KIAA0825: variants seen among roughly 807,000 people sequenced by gnomAD.
KIAA0825 encodes the protein KIAA0825.
KIAA0825 carries 119 observed loss-of-function variants against 147.6 expected under a neutral mutation model. The ratio of observed to expected loss-of-function variants is 0.81; its 90% CI spans 0.69 to 0.94. KIAA0825 has a LOEUF of 0.94. Ranked by LOEUF, KIAA0825 falls within the 40% of genes least tolerant of loss-of-function variation. The pLI is 0.00. For missense variants in KIAA0825, 1,381 were observed against 1,472.7 expected, an observed-to-expected ratio of 0.94 and a Z score of 1.02; for synonymous variants, 470 against 518.1, an observed-to-expected ratio of 0.91 and a Z score of 1.26.
intron 1 of KIAA0825, among the ~76,000 whole-genome samples, chr5:94,592,580 C>CA (rs1260881592): frequency 6.6e-6 from 1 of 152,136 alleles, no homozygotes; most frequent in Non-Finnish European, 1.5e-5. Context: ...CTCATAACCC[C>CA]AGGAGCCTCC....
chr5:94,173,285 A>G (rs1268629725), intron 20 of KIAA0825, among the ~76,000 whole-genome samples: 2 of 152,254 alleles, frequency 1.3e-5, no homozygotes, highest in East Asian at 3.9e-4. Context: ...TCTTAATGTT[A>G]CAGTTACTAT....
chr5:94,241,264 C>T (rs1487536558), intron 20 of KIAA0825, among the ~76,000 whole-genome samples: 1 of 152,182 alleles, frequency 6.6e-6, no homozygotes, highest in Non-Finnish European at 1.5e-5. Context: ...ACAAAAATTT[C>T]AGCCACAGAC....
rs150784413 is a variant in KIAA0825 at position 94,257,496 on chromosome 5, C to A, written c.3711-103372G>T. 7.9e-5 allele frequency among the ~76,000 whole-genome samples: 12 copies of A among 152,206 alleles called. No individual in the cohort carries two copies. The East Asian group carries it at 2.1e-3, about 27-fold the overall frequency. On this transcript the variant is annotated intron_variant, in intron 20 of 20. Transcript: ENST00000682413. ...ACTTAGTTCTCAAAAGCAAGTTAAT[C>A]TTGCCAAAAATCATTGAAATGTGCT...
chr5:94,611,551 T>C (rs1788797917), intron 1 of KIAA0825, among the ~76,000 whole-genome samples: 1 of 151,904 alleles, frequency 6.6e-6, no homozygotes, highest in South Asian at 2.1e-4. Context: ...TATGAAACTA[T>C]ATTTTTACCT....
intron 20 of KIAA0825, among the ~76,000 whole-genome samples, chr5:94,333,430 C>CT (rs200168419): frequency 1.4e-5 from 2 of 147,648 alleles, no homozygotes; most frequent in Non-Finnish European, 3.0e-5. Context: ...GGTTCAGTAT[C>CT]GGTTTTTTTG....
At chr5:94,465,167 T>G in intron 10 of KIAA0825, 108 bp from the exon 11 acceptor site, 1 of 989,702 alleles carries the variant, frequency 1.0e-6, no homozygotes, top group Non-Finnish European at 1.4e-6. Flanking sequence ...CTAAAGAGTT[T>G]GACACACTAG....
At chr5:94,484,446 G>T (rs1762819402) in intron 6 of KIAA0825, among the ~76,000 whole-genome samples, 1 of 151,702 alleles carries the variant, frequency 6.6e-6, no homozygotes, top group Non-Finnish European at 1.5e-5. Context: ...CAAAAGAAAA[G>T]ATACTAGACC....
chr5:94,171,486 G>A (rs183024842), intron 20 of KIAA0825, among the ~76,000 whole-genome samples: 1 of 152,284 alleles, frequency 6.6e-6, no homozygotes, highest in African/African-American at 2.4e-5. Context: ...AATGTAAGTT[G>A]TATGAGGGTA....
intron 20 of KIAA0825, among the ~76,000 whole-genome samples, chr5:94,156,119 T>G (rs1473646766): frequency 2.0e-5 from 3 of 152,204 alleles, no homozygotes; most frequent in Non-Finnish European, 4.4e-5. Flanking sequence ...AATTCTCAAT[T>G]TAAAAAGTTA....
intron 12 of KIAA0825, among the ~76,000 whole-genome samples, chr5:94,456,774 T>C (rs369390062): frequency 6.6e-6 from 1 of 152,232 alleles, no homozygotes; most frequent in Non-Finnish European, 1.5e-5. Flanking sequence ...AAGATATCAT[T>C]ATGAGATAAC....
intron 1 of KIAA0825, among the ~76,000 whole-genome samples, chr5:94,584,783 C>T (rs1299747058): frequency 1.3e-5 from 2 of 152,106 alleles, no homozygotes; most frequent in Non-Finnish European, 2.9e-5. Flanking sequence ...TTAAGGACAG[C>T]CAGAGAGAAA....
intron 20 of KIAA0825, among the ~76,000 whole-genome samples, chr5:94,251,695 T>C (rs951741469): frequency 6.6e-5 from 10 of 152,110 alleles, no homozygotes; most frequent in Non-Finnish European, 1.5e-4. Flanking sequence ...CTTCTCATAT[T>C]GAACACCTTG....
At chr5:94,405,259 G>A (rs535377962) in intron 15 of KIAA0825, among the ~76,000 whole-genome samples, 18 of 152,154 alleles carry the variant, frequency 1.2e-4, no homozygotes, top group African/African-American at 3.9e-4. Flanking sequence ...AAGAAACTTC[G>A]TTACTTTTAT....
chr5:94,500,385 A>G (rs1182878253), intron 5 of KIAA0825, among the ~76,000 whole-genome samples: 1 of 152,198 alleles, frequency 6.6e-6, no homozygotes, highest in African/African-American at 2.4e-5. Flanking sequence ...AGAAATGGAG[A>G]AGAGGAGATA....
intron 20 of KIAA0825, among the ~76,000 whole-genome samples, chr5:94,183,235 A>T (rs550289897): frequency 6.6e-6 from 1 of 152,244 alleles, no homozygotes; most frequent in South Asian, 2.1e-4. Context: ...AACCATGACA[A>T]CTCTTAAGAA....
At chr5:94,555,080 A>G (rs1776297422) in intron 2 of KIAA0825, among the ~76,000 whole-genome samples, 1 of 152,048 alleles carries the variant, frequency 6.6e-6, no homozygotes, top group Non-Finnish European at 1.5e-5. Flanking sequence ...ATAATTGCAA[A>G]AACAAAAACA....
At chr5:94,155,213 CTTTTTTTTTTTTTTT>C (rs67704311) in intron 20 of KIAA0825, among the ~76,000 whole-genome samples, 2 of 119,066 alleles carry the variant, frequency 1.7e-5, no homozygotes, top group African/African-American at 6.3e-5. Context: ...TATTTTCTTT[CTTTTTTTTTTTTTTT>C]TTTTTTTGAG....
At chr5:94,515,386 T>C (rs1767058640) in intron 5 of KIAA0825, among the ~76,000 whole-genome samples, 1 of 152,234 alleles carries the variant, frequency 6.6e-6, no homozygotes, top group Non-Finnish European at 1.5e-5. Flanking sequence ...ATAATCAAAA[T>C]GCTAATTGTA....
At chr5:94,527,605 A>T (rs909939756) in intron 3 of KIAA0825, among the ~76,000 whole-genome samples, 18 of 152,194 alleles carry the variant, frequency 1.2e-4, no homozygotes, top group South Asian at 2.1e-4. Context: ...AAAAAATTTT[A>T]AAACTTTTAC....
Sources: allele counts gnomAD v4.1 joint callset (sites outside exome capture counted in the v4.1 genomes callset), GRCh38; gene constraint gnomAD v4.1.1; transcripts MANE v1.5; gene names NCBI Gene and HGNC (gene_info 2026-07-23, HGNC 2026-07-21).